The following FAT3 variants were observed in gnomAD, a reference collection of about 807,000 sequenced individuals.
FAT3 encodes FAT atypical cadherin 3, also known as protocadherin Fat 3.
Under a neutral mutation model 310.2 loss-of-function variants are expected in FAT3, and 95 were observed. That is an observed-to-expected ratio of 0.31 (90% CI 0.26 to 0.36). The LOEUF is 0.36. FAT3 is among the 10% of genes least tolerant of loss of function. The pLI is 1.00. For synonymous variants in FAT3, 2,314 were observed against 2,192.9 expected (o/e 1.06, Z -1.54); for missense variants, 5,408 against 5,715.6 (o/e 0.95, Z 1.74).
intron 2 of FAT3, among the ~76,000 whole-genome samples, chr11:92,380,456 T>A (rs1366779532): frequency 6.6e-6 from 1 of 152,194 alleles, no homozygotes; most frequent in Non-Finnish European, 1.5e-5. Context: ...TTGTTTTTGT[T>A]TGAACGCCCT....
At chr11:92,620,325 G>T (rs944510122) in intron 3 of FAT3, among the ~76,000 whole-genome samples, 5 of 152,080 alleles carry the variant, frequency 3.3e-5, no homozygotes, top group East Asian at 1.9e-4. Context: ...TACGTGCTCT[G>T]TTGCCACTGA....
chr11:92,484,681 T>A (rs1209734133), intron 2 of FAT3, among the ~76,000 whole-genome samples: 3 of 152,198 alleles, frequency 2.0e-5, no homozygotes, highest in Non-Finnish European at 4.4e-5. Flanking sequence ...CCACAGCTTA[T>A]TGTTTGTAAG....
chr11:92,881,148 T>C (rs938478506), intron 23 of FAT3, among the ~76,000 whole-genome samples: 1 of 152,222 alleles, frequency 6.6e-6, no homozygotes, highest in Admixed American at 6.5e-5. Context: ...ATGTAGTCTG[T>C]AACTAGGGAG....
At chr11:92,483,134 T>C (rs546366391) in intron 2 of FAT3, among the ~76,000 whole-genome samples, 2 of 152,262 alleles carry the variant, frequency 1.3e-5, no homozygotes, top group African/African-American at 2.4e-5. Flanking sequence ...AAAACCACCA[T>C]AGTGCTGATG....
chr11:92,864,952 A>T (rs567439704), intron 21 of FAT3, among the ~76,000 whole-genome samples: 1 of 152,362 alleles, frequency 6.6e-6, no homozygotes, highest in East Asian at 1.9e-4. Flanking sequence ...GATGTGGCTA[A>T]CCATTCTGCA....
Position 92,798,573 on chromosome 11 carries a change from A to G in FAT3, c.5560A>G (p.Arg1854Gly). 6.2e-7 allele frequency: 1 copy of G among 1,613,754 alleles called. No homozygotes were observed. The highest frequency in any genetic ancestry group is 1.7e-5 in the Admixed American group (1 of 60,014). Residue 1854 changes from arginine to glycine, a missense_variant, in exon 10 of 28, where the codon AGA (arginine) becomes GGA (glycine). Arg to Gly is a moderately radical substitution (Grantham distance 125, BLOSUM62 -2). Coordinates refer to ENST00000525166, the MANE Select transcript of FAT3 (RefSeq NM_001367949.2). ...CCATTTCCATTTTCATGTGCATGTG[A>G]GAGACAGTGGTAGCCCCCAACTGAC... ...IAHFHFHVHVRDSGSPQLTAE... is the reference protein window; with the variant it reads ...IAHFHFHVHVGDSGSPQLTAE...
intron 1 of FAT3, among the ~76,000 whole-genome samples, chr11:92,291,481 G>T (rs998142211): frequency 3.3e-5 from 5 of 152,134 alleles, no homozygotes; most frequent in African/African-American, 1.2e-4. Flanking sequence ...GCTTCAGGAT[G>T]TAGAGGGGAG....
chr11:92,525,681 ATAGT>A (rs1424548837), intron 3 of FAT3, among the ~76,000 whole-genome samples: 3 of 127,422 alleles, frequency 2.4e-5, no homozygotes, highest in African/African-American at 7.7e-5. Context: ...AAGGAGTAAA[ATAGT>A]GAGAGTTGTG....
rs1949268531 is a variant in FAT3, at chr11:92,867,104, G to T, written c.12022G>T (p.Val4008Leu). The T allele has an allele frequency of 6.2e-7, 1 of 1,601,604 alleles. No individual in the cohort carries two copies. Among genetic ancestry groups the T allele is most frequent in the Admixed American group, 1.7e-5 (1 of 58,238 alleles). ...GAACAAGCGCAGCAGCTTCGCGGAGGTGGTGGGCCTGACGGAGCTGAAGCT... is the reference window on the plus strand; with the variant it reads ...GAACAAGCGCAGCAGCTTCGCGGAGTTGGTGGGCCTGACGGAGCTGAAGCT... ...LQNKRSSFAE[V>L]VGLTELKLGC... is the part of the protein sequence containing the mutation. The change falls in exon 22 of 28, where the codon GTG becomes TTG. Residue 4008 changes from valine (V) to leucine (L), a missense_variant. By Grantham distance (32) the Val-to-Leu change is conservative. Transcript: ENST00000525166.
At chr11:92,370,471 C>T (rs553422553) in intron 2 of FAT3, among the ~76,000 whole-genome samples, 1 of 152,276 alleles carries the variant, frequency 6.6e-6, no homozygotes, top group Non-Finnish European at 1.5e-5. Context: ...TCACACATCT[C>T]TCCCCGATAC....
intron 19 of FAT3, among the ~76,000 whole-genome samples, chr11:92,851,580 A>G (rs1302755313): frequency 6.6e-6 from 1 of 152,144 alleles, no homozygotes; most frequent in Non-Finnish European, 1.5e-5. Flanking sequence ...TGGGGAACAG[A>G]GCTTACTCTG....
At chr11:92,735,372 A>G (rs963663740) in intron 4 of FAT3, among the ~76,000 whole-genome samples, 2 of 152,144 alleles carry the variant, frequency 1.3e-5, no homozygotes, top group South Asian at 2.1e-4. Flanking sequence ...TGTCATTTGC[A>G]TTAAGACCAT....
intron 1 of FAT3, among the ~76,000 whole-genome samples, chr11:92,329,094 C>CT (rs578134941): frequency 0.36 from 53,187 of 147,854 alleles, 13,053 homozygotes; most frequent in African/African-American, 0.71. Flanking sequence ...ATCATCCAGA[C>CT]TTTTTTTTTT....
chr11:92,672,957 G>C (rs187504001), intron 3 of FAT3, among the ~76,000 whole-genome samples: 1 of 152,280 alleles, frequency 6.6e-6, no homozygotes, highest in South Asian at 2.1e-4. Context: ...GGTAGAGGTT[G>C]GTTGACCATC....
intron 4 of FAT3, among the ~76,000 whole-genome samples, chr11:92,708,640 T>G (rs1286172305): frequency 6.6e-6 from 1 of 152,252 alleles, no homozygotes; most frequent in Non-Finnish European, 1.5e-5. Context: ...TCAGAACACT[T>G]AAGGCCTTGT....
chr11:92,396,788 C>A (rs926588406), intron 2 of FAT3, among the ~76,000 whole-genome samples: 1 of 152,150 alleles, frequency 6.6e-6, no homozygotes. Context: ...CTCACTGCAA[C>A]CTCCACCCTC....
At chr11:92,866,696 C>G in intron 21 of FAT3, 45 bp from the exon 22 acceptor site, 4 of 1,546,044 alleles carry the variant, frequency 2.6e-6, no homozygotes, top group Non-Finnish European at 3.5e-6. Context: ...GAACATATTC[C>G]CAGTTGCATG....
At chr11:92,512,210 A>T (rs1439045294) in intron 2 of FAT3, among the ~76,000 whole-genome samples, 4 of 152,156 alleles carry the variant, frequency 2.6e-5, no homozygotes, top group African/African-American at 9.7e-5. Flanking sequence ...ATAAAAATAT[A>T]TGCACATATA....
At chr11:92,867,668 C>G (rs1470256199) in intron 22 of FAT3, among the ~76,000 whole-genome samples, 2 of 152,096 alleles carry the variant, frequency 1.3e-5, no homozygotes, top group East Asian at 1.9e-4. Context: ...GACTTACAAC[C>G]TTACTAGAAG....
Sources: gnomAD v4.1 joint callset for allele counts (sites outside exome capture counted in the v4.1 genomes callset) on GRCh38, gnomAD v4.1.1 for gene constraint, MANE v1.5 for transcripts, NCBI Gene and HGNC (gene_info 2026-07-23, HGNC 2026-07-21) for gene names.